The following VNN2 variants were observed in gnomAD, a reference collection of about 807,000 sequenced individuals.
The protein encoded by VNN2 is pantetheine hydrolase VNN2.
A neutral mutation model predicts 43.0 loss-of-function variants in VNN2; 43 were observed. The ratio of observed to expected loss-of-function variants is 1.00; its 90% confidence interval spans 0.78 to 1.29. The LOEUF (loss-of-function observed/expected upper bound fraction) is 1.29, where lower values mean the gene tolerates loss of function less well. VNN2 is among the 50% of genes most tolerant of loss of function. The probability of loss-of-function intolerance (pLI) is 0.00; values close to 1 mark genes in which losing one functional copy is unlikely to be tolerated. For synonymous variants in VNN2, 230 were observed against 224.3 expected (o/e 1.03, Z -0.23); for missense variants, 652 against 619.7 (o/e 1.05, Z -0.55).
intron 3 of VNN2, chr6:132,753,136 T>C (rs1780233427): frequency 5.0e-6 from 1 of 199,924 alleles, no homozygotes; most frequent in African/African-American, 2.4e-5. Flanking sequence ...AATCTCCACC[T>C]CCTGAGTTCA....
Position 132,751,447 on chromosome 6 carries a change from G to C in VNN2, c.898C>G (p.Leu300Val). 1.9e-6 allele frequency: 3 copies of C among 1,614,164 alleles called. No individual in the cohort carries two copies. Among genetic ancestry groups the C allele is most frequent in the Non-Finnish European group, 2.5e-6 (3 of 1,180,008 alleles). ...GGATGTGAATCCACCTCTGAAAGGA[G>C]AAGTTTTCCCAACTCTGTCTTCATG... Reference protein sequence around the residue: ...YDMKTELGKLLLSEVDSHPLS... With the variant: ...YDMKTELGKLVLSEVDSHPLS... The change falls in exon 5 of 7, where the codon CTC becomes GTC. Residue 300 changes from leucine to valine, a missense_variant. Physicochemically the swap from Leu to Val is conservative, Grantham distance 32. Coordinates refer to ENST00000326499, the MANE Select transcript of VNN2 (RefSeq NM_004665.6).
intron 6 of VNN2, among the ~76,000 whole-genome samples, chr6:132,748,659 G>A (rs192671821): frequency 1.7e-4 from 26 of 152,346 alleles, no homozygotes; most frequent in Non-Finnish European, 2.2e-4. Context: ...GTATGTATGC[G>A]TGTATGTGCA....
chr6:132,755,817 T>C, intron 3 of VNN2, 26 bp downstream of exon 3: 1 of 1,585,816 alleles, frequency 6.3e-7, no homozygotes, highest in Non-Finnish European at 8.6e-7. Flanking sequence ...CACGCTCCAT[T>C]TTACACGTCC....
At chr6:132,760,322 G>T (rs1045879353), upstream of VNN2, among the ~76,000 whole-genome samples, 2 of 151,958 alleles carry the variant, frequency 1.3e-5, no homozygotes, top group Non-Finnish European at 2.9e-5. Context: ...CACCAGGTAC[G>T]CACCAACATG....
chr6:132,762,488 A>T (rs1460325071), upstream of VNN2, among the ~76,000 whole-genome samples: 1 of 152,228 alleles, frequency 6.6e-6, no homozygotes, highest in African/African-American at 2.4e-5. Flanking sequence ...AAAGTACTTA[A>T]TGGCAAAGAA....
At chr6:132,758,618 G>T (rs1223088343), upstream of VNN2, among the ~76,000 whole-genome samples, 2 of 151,934 alleles carry the variant, frequency 1.3e-5, no homozygotes, top group Admixed American at 6.6e-5. Flanking sequence ...AATTTTTTTG[G>T]TTCTGTTGAG....
chr6:132,760,055 G>A (rs143630023), upstream of VNN2, among the ~76,000 whole-genome samples: 1,426 of 152,308 alleles, frequency 9.4e-3, 11 homozygotes, highest in South Asian at 0.021. Flanking sequence ...CAGGATGTTC[G>A]CTTCTCATTC....
rs1244822942 is a variant in VNN2, at chr6:132,757,737, A to T, written c.147T>A (p.Asp49Glu). Reference protein sequence around the residue: ...NKTETPVSQEDALNLMNENID... With the variant: ...NKTETPVSQEEALNLMNENID... Reference sequence around the variant, plus strand: ...TATTCTCGTTCATGAGATTCAAGGCATCCTCCTGAGAAACTGGTGTTTCTG... The same window carrying T: ...TATTCTCGTTCATGAGATTCAAGGCTTCCTCCTGAGAAACTGGTGTTTCTG... The change falls in exon 1 of 7, where the codon GAT becomes GAA. Residue 49 changes from aspartate (D) to glutamate (E), a missense_variant. By Grantham distance (45) the Asp-to-Glu change is conservative. Coordinates refer to ENST00000326499, the MANE Select transcript of VNN2 (RefSeq NM_004665.6). 1 of 1,614,044 alleles carries T rather than the reference A, an allele frequency of 6.2e-7. No homozygotes were observed. Among genetic ancestry groups the T allele is most frequent in the African/African-American group, 1.3e-5 (1 of 74,906 alleles).
intron 6 of VNN2, among the ~76,000 whole-genome samples, chr6:132,746,135 C>G (rs1779700965): frequency 6.6e-6 from 1 of 152,198 alleles, no homozygotes; most frequent in Admixed American, 6.5e-5. Flanking sequence ...GGTTATCTAA[C>G]TAGTTAGTTA....
At chr6:132,745,486 G>A (rs935608023) in intron 6 of VNN2, among the ~76,000 whole-genome samples, 1 of 152,224 alleles carries the variant, frequency 6.6e-6, no homozygotes, top group African/African-American at 2.4e-5. Context: ...AAAGTGCTGG[G>A]ATTACAGGCG....
intron 4 of VNN2, 42 bp from the exon 5 acceptor site, chr6:132,751,560 CA>C: frequency 1.2e-5 from 18 of 1,550,574 alleles, no homozygotes; most frequent in East Asian, 2.3e-5. Flanking sequence ...ACACCACACA[CA>C]AAAAAACCAA....
upstream of VNN2, among the ~76,000 whole-genome samples, chr6:132,761,325 AT>A (rs1780732626): frequency 6.6e-6 from 1 of 151,628 alleles, no homozygotes; most frequent in Admixed American, 6.6e-5. Flanking sequence ...GTTAAAATCA[AT>A]TAAAAATTAT....
chr6:132,756,039 A>C lies in VNN2; in HGVS notation c.345-4T>G, dbSNP rs760728755. ...TTGTACTGGTGTGTGACCAAATCTAAACCAAATTATAATTAAGAAATTTCA... is the reference window on the plus strand; with the variant it reads ...TTGTACTGGTGTGTGACCAAATCTACACCAAATTATAATTAAGAAATTTCA... On this transcript the variant is annotated splice_region_variant and splice_polypyrimidine_tract_variant and intron_variant, in intron 2 of 6. Transcript: ENST00000326499. The C allele has an allele frequency of 1.3e-6, 2 of 1,562,068 alleles. No homozygotes were observed. The highest frequency in any genetic ancestry group is 8.6e-7 in the Non-Finnish European group (1 of 1,158,428).
At chr6:132,759,143 A>G (rs1780666168), upstream of VNN2, among the ~76,000 whole-genome samples, 1 of 152,094 alleles carries the variant, frequency 6.6e-6, no homozygotes, top group South Asian at 2.1e-4. Flanking sequence ...GAGTTTAAAA[A>G]CAATGCTAAC....
intron 6 of VNN2, among the ~76,000 whole-genome samples, chr6:132,749,314 T>C (rs939598316): frequency 3.3e-5 from 5 of 152,202 alleles, no homozygotes; most frequent in African/African-American, 1.2e-4. Context: ...GATTTGTTTT[T>C]CTCTTGATGC....
At chr6:132,751,586 C>T in intron 4 of VNN2, 68 bp from the exon 5 acceptor site, 2 of 1,532,426 alleles carry the variant, frequency 1.3e-6, no homozygotes, top group Non-Finnish European at 1.7e-6. Context: ...GCCAATTTCC[C>T]CATCAGAATT....
In VNN2 at chr6:132,744,009, A is replaced by G. The variant is rs1779572134; in HGVS notation, c.*291T>C. 1.3e-5 allele frequency: 3 copies of G among 235,816 alleles called. No individual in the cohort carries two copies. Among genetic ancestry groups the G allele is most frequent in the South Asian group, 7.7e-5 (1 of 13,036 alleles). 14.6% of individuals were successfully genotyped at this position (235,816 alleles called of 1,614,324 possible). A position where few individuals can be genotyped will look rare whatever the true frequency, so the allele number is the denominator to read the frequency against. On this transcript the variant is annotated 3_prime_UTR_variant, in exon 7 of 7. Transcript: ENST00000326499. The stretch of plus-strand genomic sequence containing the variant: ...ACTCCCATACATACAAGTCCCCCAT[A>G]CACACAAAGTCTCAAGCAAATGAGG...
Position 132,751,137 on chromosome 6 carries a change from G to A in VNN2, c.1200+8C>T, listed in dbSNP as rs1780053556. 1 of 1,563,798 alleles carries A rather than the reference G, an allele frequency of 6.4e-7. No homozygotes were observed. Among genetic ancestry groups the A allele is most frequent in the South Asian group, 1.2e-5 (1 of 84,040 alleles). On this transcript the variant is annotated splice_region_variant and intron_variant, in intron 5 of 6. Coordinates refer to ENST00000326499, the MANE Select transcript of VNN2 (RefSeq NM_004665.6). ...ACTTGAATGCCCTTTCATTTGAACTGAAATTACCTGCCAGTACTCTCTTCT... is the reference window on the plus strand; with the variant it reads ...ACTTGAATGCCCTTTCATTTGAACTAAAATTACCTGCCAGTACTCTCTTCT...
Position 132,757,828 on chromosome 6 carries a change from T to A in VNN2, c.56A>T (p.Gln19Leu). The change falls in exon 1 of 7, where the codon CAG becomes CTG. Residue 19 changes from glutamine to leucine, a missense_variant. Coordinates refer to ENST00000326499, the MANE Select transcript of VNN2 (RefSeq NM_004665.6). The part of the protein sequence containing the change: ...SVAVFALITL[Q>L]VGTQDSFIAA... The stretch of plus-strand genomic sequence containing the variant: ...TATAAAACTGTCCTGAGTACCAACC[T>A]GCAGGGTTATTAGGGCAAAAACTGC... 1 of 1,614,040 alleles carries A rather than the reference T, an allele frequency of 6.2e-7. No individual in the cohort carries two copies.
Sources: allele counts gnomAD v4.1 joint callset (sites outside exome capture counted in the v4.1 genomes callset), GRCh38; gene constraint gnomAD v4.1.1; transcripts MANE v1.5; gene names NCBI Gene and HGNC (gene_info 2026-07-23, HGNC 2026-07-21).